ESPNL: variants seen among roughly 807,000 people sequenced by gnomAD.
ESPNL encodes espin-like protein.
ESPNL carries 49 observed loss-of-function variants against 46.8 expected under a neutral mutation model. That is an observed-to-expected ratio of 1.05 (90% CI 0.83 to 1.33). The LOEUF is 1.33. ESPNL is among the 40% of genes most tolerant of loss of function. ESPNL has a pLI of 0.00. For missense variants in ESPNL, 1,540 were observed against 1,436.6 expected (o/e 1.07, Z -1.16); for synonymous variants, 664 against 662.1 (o/e 1.00, Z -0.04).
At position 238,131,916 on chromosome 2, in the gene ESPNL, A is replaced by C; in HGVS notation, c.*184A>C. The stretch of plus-strand genomic sequence containing the variant: ...GGTTCTCCTCCGAGCTGGGACTCAG[A>C]CTCCTTCTCACCACTGCACCCAGGA... On this transcript the variant is annotated 3_prime_UTR_variant, in exon 9 of 9. Coordinates refer to ENST00000343063, the MANE Select transcript of ESPNL (RefSeq NM_194312.4). 1 of 650,660 alleles carries C rather than the reference A, an allele frequency of 1.5e-6. No homozygotes were observed. 40.3% of individuals were successfully genotyped at this position (650,660 alleles called of 1,614,324 possible).
At chr2:238,126,519 CTA>C (rs1204698263) in intron 6 of ESPNL, among the ~76,000 whole-genome samples, 1 of 146,976 alleles carries the variant, frequency 6.8e-6, no homozygotes, top group Non-Finnish European at 1.5e-5. Flanking sequence ...GTGATTGTGT[CTA>C]TGCATCTGTG....
intron 4 of ESPNL, among the ~76,000 whole-genome samples, chr2:238,113,083 G>A (rs1472109473): frequency 6.6e-6 from 1 of 152,156 alleles, no homozygotes; most frequent in Admixed American, 6.5e-5. Context: ...TTCTGGATTT[G>A]TCTGTGTTTC....
In ESPNL at chr2:238,130,807, T is replaced by G; in HGVS notation, c.2093T>G (p.Leu698Arg). The G allele has an allele frequency of 1.9e-6, 3 of 1,544,358 alleles. No homozygotes were observed. The highest frequency in any genetic ancestry group is 2.6e-6 in the Non-Finnish European group (3 of 1,148,800). Residue 698 changes from leucine (L) to arginine (R), a missense_variant, in exon 9 of 9, where the codon CTG becomes CGG. Leu to Arg is a moderately radical substitution (Grantham distance 102). Transcript: ENST00000343063. ...WPALPKPRSGLASGEPRPGDT... is the reference protein window; with the variant it reads ...WPALPKPRSGRASGEPRPGDT... ...GCCCTGCCTAAGCCCCGCAGTGGCC[T>G]GGCTTCAGGGGAGCCCAGGCCTGGC...
rs1692309329 is a variant in ESPNL at position 238,130,969 on chromosome 2, C to T, written c.2255C>T (p.Ser752Leu). Residue 752 changes from serine (S) to leucine (L), a missense_variant, in exon 9 of 9, where the codon TCG (serine) becomes TTG (leucine). Ser to Leu is a moderately radical substitution (Grantham distance 145, BLOSUM62 -2). Transcript: ENST00000343063. Reference protein sequence around the residue: ...IMLFLSHWRRSAYTPALKTVA... With the variant: ...IMLFLSHWRRLAYTPALKTVA... ...CTCTTCCTCAGCCACTGGAGGAGATCGGCCTACACGCCGGCCCTCAAGACA... is the reference window on the plus strand; with the variant it reads ...CTCTTCCTCAGCCACTGGAGGAGATTGGCCTACACGCCGGCCCTCAAGACA... 5 of 1,548,848 alleles carry T rather than the reference C, an allele frequency of 3.2e-6. No homozygotes were observed. Among genetic ancestry groups the T allele is most frequent in the South Asian group, 1.2e-5 (1 of 84,178 alleles).
At position 238,100,675 on chromosome 2, in the gene ESPNL, C is replaced by A; in HGVS notation, c.256C>A (p.Leu86Met). Residue 86 changes from leucine to methionine, a missense_variant, in exon 1 of 9, where the codon CTG becomes ATG. Leu to Met is a conservative substitution (Grantham distance 15, BLOSUM62 2). Coordinates refer to ENST00000343063, the MANE Select transcript of ESPNL (RefSeq NM_194312.4). Reference protein sequence around the residue: ...DAAATGSLAELCWLVREGGCG... With the variant: ...DAAATGSLAEMCWLVREGGCG... ...CGCTGCCACGGGCAGCCTGGCCGAG[C>A]TGTGCTGGCTGGTCCGCGAGGGGGG... 1 of 1,435,978 alleles carries A rather than the reference C, an allele frequency of 7.0e-7. No homozygotes were observed. The highest frequency in any genetic ancestry group is 9.1e-7 in the Non-Finnish European group (1 of 1,103,260). The allele number at this position is 1,435,978 out of a possible 1,614,324, so 89.0% of individuals were successfully genotyped here.
intron 5 of ESPNL, among the ~76,000 whole-genome samples, chr2:238,124,793 GTGTGTGTGCAGGAGAGTGTACGTGCA>G (rs1182658621): frequency 6.6e-6 from 1 of 150,528 alleles, no homozygotes; most frequent in South Asian, 2.1e-4. Context: ...GAGTACGTGC[GTGTGTGTGCAGGAGAGTGTACGTGCA>G]TGTGTGCAGG....
At chr2:238,126,976 T>A (rs1692147080) in intron 6 of ESPNL, among the ~76,000 whole-genome samples, 1 of 119,602 alleles carries the variant, frequency 8.4e-6, no homozygotes, top group Non-Finnish European at 1.7e-5. Context: ...TGTATGTGTG[T>A]GATTGTGTCT....
At chr2:238,123,103 G>A (rs1692023976) in intron 5 of ESPNL, among the ~76,000 whole-genome samples, 1 of 152,184 alleles carries the variant, frequency 6.6e-6, no homozygotes, top group African/African-American at 2.4e-5. Context: ...GTGCCGCATA[G>A]GTCTGTATCT....
Position 238,125,363 on chromosome 2 carries a change from C to T in ESPNL, c.1081C>T (p.Pro361Ser). 1 of 1,564,478 alleles carries T rather than the reference C, an allele frequency of 6.4e-7. No individual in the cohort carries two copies. Among genetic ancestry groups the T allele is most frequent in the Non-Finnish European group, 8.7e-7 (1 of 1,155,332 alleles). The change falls in exon 6 of 9, where the codon CCA (proline) becomes TCA (serine). Residue 361 changes from proline to serine, a missense_variant. Coordinates refer to ENST00000343063, the MANE Select transcript of ESPNL (RefSeq NM_194312.4). ...CCTGGAGGATGGAAGAAGAGGAGGC[C>T]CAGGGCCAGGGAACCCCAGCCGTGA... ...RSLEDGRRGG[P>S]GPGNPSPMSL...
At position 238,130,612 on chromosome 2, in the gene ESPNL, C is replaced by T. The variant is rs769350614; in HGVS notation, c.1898C>T (p.Ser633Leu). ...CTGCAGGACACCTGCAGGGAGGCCTCGGCCAGCCCCCCTCGGAGCGAGGCC... is the reference window on the plus strand; with the variant it reads ...CTGCAGGACACCTGCAGGGAGGCCTTGGCCAGCCCCCCTCGGAGCGAGGCC... ...RPLQDTCREA[S>L]ASPPRSEAQR... The change falls in exon 9 of 9, where the codon TCG becomes TTG. Residue 633 changes from serine (S) to leucine (L), a missense_variant. Transcript: ENST00000343063. 3.8e-5 allele frequency: 59 copies of T among 1,564,380 alleles called. 1 individual carries two copies. Among genetic ancestry groups the T allele is most frequent in the Non-Finnish European group, 4.6e-5 (53 of 1,154,718 alleles).
chr2:238,129,179 C>A, intron 8 of ESPNL: 1 of 1,370,754 alleles, frequency 7.3e-7, no homozygotes, highest in Non-Finnish European at 9.4e-7. Flanking sequence ...AAGCGTTGTT[C>A]TAGGCCTTCC....
chr2:238,123,802 C>T (rs1329105316), intron 5 of ESPNL, among the ~76,000 whole-genome samples: 1 of 152,168 alleles, frequency 6.6e-6, no homozygotes. Context: ...GCTGTGGGCA[C>T]AGATTCCTGG....
rs752029384 is a variant in ESPNL, at chr2:238,130,736, C to T, written c.2022C>T (p.Cys674=). ...TCTGTGGCTTCAACCCTGGCCCCTG[C>T]GAGCCGGGGGCCCAGCACAGGCAGT... ...GPLCGFNPGP[C]EPGAQHRQCL... Residue 674 remains cysteine, a synonymous_variant, in exon 9 of 9, where the codon TGC becomes TGT. Transcript: ENST00000343063. 7.7e-6 allele frequency: 12 copies of T among 1,563,938 alleles called. No homozygotes were observed. The highest frequency in any genetic ancestry group is 7.0e-5 in the East Asian group (3 of 42,732).
At chr2:238,126,823 TTC>T (rs562463955) in intron 6 of ESPNL, among the ~76,000 whole-genome samples, 192 of 151,328 alleles carry the variant, frequency 1.3e-3, no homozygotes, top group Non-Finnish European at 2.3e-3. Context: ...GTCTGTGTGT[TTC>T]TCTGTGTGTG....
At chr2:238,103,714 C>G (rs1691535766) in intron 2 of ESPNL, among the ~76,000 whole-genome samples, 1 of 152,216 alleles carries the variant, frequency 6.6e-6, no homozygotes, top group South Asian at 2.1e-4. Context: ...ACGGATCCTC[C>G]CCTGAGAAGG....
At chr2:238,110,949 C>CTTTTTTTTTTT (rs5839686) in intron 4 of ESPNL, among the ~76,000 whole-genome samples, 4 of 111,002 alleles carry the variant, frequency 3.6e-5, no homozygotes, top group East Asian at 2.6e-4. Context: ...ATTAGTTATT[C>CTTTTTTTTTTT]TTTTTTTTTT....
Position 238,133,081 on chromosome 2 carries a change from T to C in ESPNL, c.*1349T>C, listed in dbSNP as rs945331519. 54 of 152,006 alleles carry C rather than the reference T, an allele frequency of 3.6e-4. No individual in the cohort carries two copies. The highest frequency in any genetic ancestry group is 1.3e-3 in the African/African-American group (54 of 41,470). 9.4% of individuals were successfully genotyped at this position (152,006 alleles called of 1,614,324 possible). A position where few individuals can be genotyped will look rare whatever the true frequency, so the allele number is the denominator to read the frequency against. ...CCAAGGGGACGGACACTCAAGAAGA[T>C]GTAAAATTGGGAGGGGTGGTATTGG... On this transcript the variant is annotated 3_prime_UTR_variant, in exon 9 of 9. Coordinates refer to ENST00000343063, the MANE Select transcript of ESPNL (RefSeq NM_194312.4).
intron 5 of ESPNL, among the ~76,000 whole-genome samples, chr2:238,123,167 T>G (rs1462118862): frequency 6.6e-6 from 1 of 152,144 alleles, no homozygotes; most frequent in African/African-American, 2.4e-5. Context: ...AGACAGCAAG[T>G]CAGTCCTAGT....
chr2:238,107,947 G>C lies in ESPNL; in HGVS notation c.829G>C (p.Asp277His). The C allele has an allele frequency of 6.2e-7, 1 of 1,612,902 alleles. No homozygotes were observed. The highest frequency in any genetic ancestry group is 8.5e-7 in the Non-Finnish European group (1 of 1,179,700). ...CTCCTGGGGTGGGACCCCCCTCCACGACGCAGCAGAGAACGGGCAGATGGA... is the reference window on the plus strand; with the variant it reads ...CTCCTGGGGTGGGACCCCCCTCCACCACGCAGCAGAGAACGGGCAGATGGA... ...RDSWGGTPLH[D>H]AAENGQMECC... Residue 277 changes from aspartate to histidine, a missense_variant, in exon 4 of 9, where the codon GAC becomes CAC. Physicochemically the swap from Asp to His is moderately conservative, Grantham distance 81. Transcript: ENST00000343063.
Sources: allele counts gnomAD v4.1 joint callset (sites outside exome capture counted in the v4.1 genomes callset), GRCh38; gene constraint gnomAD v4.1.1; transcripts MANE v1.5; gene names NCBI Gene and HGNC (gene_info 2026-07-23, HGNC 2026-07-21).